RUVBL1: variants seen among roughly 807,000 people sequenced by gnomAD.
RUVBL1 encodes the protein ruvB-like 1.
Under a neutral mutation model 52.4 loss-of-function variants are expected in RUVBL1, and 4 were observed. The ratio of observed to expected loss-of-function variants is 0.08; its 90% CI spans 0.04 to 0.17. The LOEUF is 0.17. Ranked by LOEUF, RUVBL1 falls within the 10% of genes least tolerant of loss-of-function variation. The probability of loss-of-function intolerance (pLI) is 1.00; values close to 1 mark genes in which losing one functional copy is unlikely to be tolerated. For missense variants in RUVBL1, 298 were observed against 572.8 expected (o/e 0.52, Z 4.90); for synonymous variants, 217 against 214.4 (o/e 1.01, Z -0.10).
chr3:128,093,881 T>A (rs1942910126), intron 8 of RUVBL1, among the ~76,000 whole-genome samples: 1 of 152,092 alleles, frequency 6.6e-6, no homozygotes, highest in Non-Finnish European at 1.5e-5. Context: ...GGCTCCCACA[T>A]CAGCTGTCCA....
intron 9 of RUVBL1, chr3:128,069,371 G>A: frequency 2.0e-6 from 2 of 1,023,958 alleles, no homozygotes; most frequent in South Asian, 3.0e-5. Flanking sequence ...ACAGCAGAGG[G>A]GCCTTTGAGG....
chr3:128,131,221 G>C (rs1007928992), intron 1 of RUVBL1, among the ~76,000 whole-genome samples: 12 of 152,124 alleles, frequency 7.9e-5, no homozygotes, highest in African/African-American at 2.9e-4. Context: ...TATAAAACAG[G>C]CTGGGCATGG....
intron 1 of RUVBL1, among the ~76,000 whole-genome samples, chr3:128,132,473 G>A (rs368106576): frequency 7.2e-5 from 11 of 152,160 alleles, no homozygotes; most frequent in South Asian, 2.1e-4. Flanking sequence ...TGCAGCTCCC[G>A]GAGAGACTCC....
At chr3:128,065,551 G>C (rs1251166389) in intron 9 of RUVBL1, among the ~76,000 whole-genome samples, 3 of 152,034 alleles carry the variant, frequency 2.0e-5, no homozygotes, top group African/African-American at 7.2e-5. Context: ...GGTCCACTTT[G>C]TATTTTGGTG....
intron 8 of RUVBL1, among the ~76,000 whole-genome samples, chr3:128,091,457 A>G (rs923037118): frequency 7.9e-5 from 12 of 152,220 alleles, no homozygotes; most frequent in African/African-American, 2.9e-4. Flanking sequence ...TCAGTCTACT[A>G]TTAATTTTAA....
At chr3:128,144,190 G>A (rs1257512973) in intron 1 of RUVBL1, among the ~76,000 whole-genome samples, 1 of 152,146 alleles carries the variant, frequency 6.6e-6, no homozygotes, top group Non-Finnish European at 1.5e-5. Context: ...AATTACTGGC[G>A]AGGTAGATAC....
At chr3:128,111,205 CAG>C (rs774069193) in intron 3 of RUVBL1, among the ~76,000 whole-genome samples, 1 of 129,662 alleles carries the variant, frequency 7.7e-6, no homozygotes, top group Non-Finnish European at 1.6e-5. Context: ...AGCCTGGCGA[CAG>C]AGACTCTCTC....
chr3:128,145,547 C>T (rs1444560427), intron 1 of RUVBL1, among the ~76,000 whole-genome samples: 10 of 152,120 alleles, frequency 6.6e-5, no homozygotes, highest in Admixed American at 2.0e-4. Context: ...AGCCCGCGGG[C>T]GAGTGTTGGG....
intron 9 of RUVBL1, chr3:128,070,801 G>C (rs1942142048): frequency 6.6e-6 from 1 of 152,424 alleles, no homozygotes; most frequent in Non-Finnish European, 1.5e-5. Flanking sequence ...TTTATGTCTG[G>C]AATAAGTTCT....
At chr3:128,091,881 A>C (rs1282273655) in intron 8 of RUVBL1, among the ~76,000 whole-genome samples, 1 of 152,200 alleles carries the variant, frequency 6.6e-6, no homozygotes, top group Admixed American at 6.5e-5. Context: ...GTTAAGAATC[A>C]CTACATAAAT....
At chr3:128,096,564 T>C (rs1042749213) in intron 8 of RUVBL1, among the ~76,000 whole-genome samples, 1 of 152,144 alleles carries the variant, frequency 6.6e-6, no homozygotes, top group African/African-American at 2.4e-5. Flanking sequence ...TGGTGGTTCA[T>C]GCCTGTAATC....
chr3:128,097,507 TG>T lies in RUVBL1; in HGVS notation c.818-10del, dbSNP rs1559814801. ...CTCCCCTCGAAGTTTGTCTAGGAGA[TG>T]CAAGGATGGGCAGGCAAGGTCAGCA... On this transcript the variant is annotated splice_polypyrimidine_tract_variant and intron_variant, in intron 7 of 10. Transcript: ENST00000322623. The T allele has an allele frequency of 6.2e-7, 1 of 1,613,936 alleles. No individual in the cohort carries two copies. Among genetic ancestry groups the T allele is most frequent in the African/African-American group, 1.3e-5 (1 of 75,030 alleles).
intron 2 of RUVBL1, among the ~76,000 whole-genome samples, chr3:128,115,122 T>G (rs1943491368): frequency 6.6e-6 from 1 of 152,168 alleles, no homozygotes; most frequent in Non-Finnish European, 1.5e-5. Flanking sequence ...ATAGACCTCA[T>G]CGAATCTCCC....
Position 128,081,460 on chromosome 3 carries a change from A to C in RUVBL1, c.1212-51T>G, listed in dbSNP as rs770891695. 22 of 1,569,284 alleles carry C rather than the reference A, an allele frequency of 1.4e-5. No homozygotes were observed. Among genetic ancestry groups the C allele is most frequent in the Non-Finnish European group, 1.7e-5 (20 of 1,150,588 alleles). On this transcript the variant is annotated intron_variant, in intron 10 of 10. Transcript: ENST00000322623. This position sits in a 1 kb window ranked among gnomAD's most constrained non-coding sequence, Gnocchi z 4.8. ...GAGTGAAACTGGGGCCACCGAAGAA[A>C]GCACCTTCCCCCCACATCAGTAGGC...
intron 1 of RUVBL1, among the ~76,000 whole-genome samples, chr3:128,143,631 T>C (rs902769754): frequency 3.3e-5 from 5 of 152,154 alleles, no homozygotes; most frequent in African/African-American, 1.2e-4. Context: ...ATGCCCCAGA[T>C]TTCAGTCCAG....
chr3:128,099,946 CACCA>C (rs1426626060), intron 6 of RUVBL1, among the ~76,000 whole-genome samples: 5 of 152,204 alleles, frequency 3.3e-5, no homozygotes, highest in Admixed American at 6.5e-5. Flanking sequence ...ATGGCCATTT[CACCA>C]ACCAAGGGGA....
At chr3:128,150,377 C>A (rs1944167739) in intron 1 of RUVBL1, among the ~76,000 whole-genome samples, 1 of 151,704 alleles carries the variant, frequency 6.6e-6, no homozygotes, top group African/African-American at 2.4e-5. Context: ...AGGCTACAGA[C>A]TCTCAGGGTG....
At chr3:128,075,648 G>A (rs1237196154) in intron 9 of RUVBL1, among the ~76,000 whole-genome samples, 1 of 151,292 alleles carries the variant, frequency 6.6e-6, no homozygotes, top group African/African-American at 2.4e-5. Flanking sequence ...TTGGAATCTC[G>A]GATCCCTGGG....
intron 1 of RUVBL1, among the ~76,000 whole-genome samples, chr3:128,135,780 A>T (rs982375410): frequency 6.6e-6 from 1 of 152,260 alleles, no homozygotes; most frequent in African/African-American, 2.4e-5. Flanking sequence ...CATTGGTAAT[A>T]GTACGTACAC....
Sources: allele counts gnomAD v4.1 joint callset (sites outside exome capture counted in the v4.1 genomes callset), GRCh38; gene constraint gnomAD v4.1.1; non-coding constraint Gnocchi (gnomAD v3.1); transcripts MANE v1.5; gene names NCBI Gene and HGNC (gene_info 2026-07-23, HGNC 2026-07-21).